FBXL5: variants seen among roughly 807,000 people sequenced by gnomAD.
FBXL5 encodes F-box and leucine rich repeat protein 5, also known as F-box/LRR-repeat protein 5.
FBXL5 carries 26 observed loss-of-function variants against 78.3 expected under a neutral mutation model. The ratio of observed to expected loss-of-function variants is 0.33; its 90% CI spans 0.24 to 0.46. The LOEUF (loss-of-function observed/expected upper bound fraction) is 0.46, where lower values mean the gene tolerates loss of function less well. Among genes scored for constraint, FBXL5 ranks in the 20% least tolerant of loss-of-function variants. The probability of loss-of-function intolerance (pLI) is 1.00; values close to 1 mark genes in which losing one functional copy is unlikely to be tolerated. For synonymous variants in FBXL5, 295 were observed against 282.5 expected, an observed-to-expected ratio of 1.04 and a Z score of -0.45; for missense variants, 710 against 829.2, an observed-to-expected ratio of 0.86 and a Z score of 1.77.
chr4:15,644,251 T>C (rs1715159658), intron 2 of FBXL5, among the ~76,000 whole-genome samples: 1 of 152,224 alleles, frequency 6.6e-6, no homozygotes, highest in Non-Finnish European at 1.5e-5. Context: ...ACTTTGCCCC[T>C]TGGATATAAA....
chr4:15,628,790 C>T (rs1039492502), intron 6 of FBXL5, among the ~76,000 whole-genome samples: 1 of 78,034 alleles, frequency 1.3e-5, no homozygotes, highest in African/African-American at 4.2e-5. Context: ...CACACACACG[C>T]ACACACACAC....
chr4:15,623,212 C>A (rs755172240), intron 9 of FBXL5, among the ~76,000 whole-genome samples: 1 of 151,924 alleles, frequency 6.6e-6, no homozygotes, highest in Non-Finnish European at 1.5e-5. Flanking sequence ...AAACCTTATA[C>A]TAGAAGAGTT....
At chr4:15,620,398 A>G (rs960150355) in intron 9 of FBXL5, among the ~76,000 whole-genome samples, 11 of 151,898 alleles carry the variant, frequency 7.2e-5, no homozygotes, top group Non-Finnish European at 1.6e-4. Flanking sequence ...CAAAATCTCA[A>G]TGGCATTCTT....
intron 4 of FBXL5, among the ~76,000 whole-genome samples, chr4:15,637,261 A>AGAT: frequency 6.6e-6 from 1 of 152,372 alleles, no homozygotes; most frequent in East Asian, 1.9e-4. Flanking sequence ...GACAAAATGT[A>AGAT]GATATTTCTG....
chr4:15,638,479 A>C, intron 4 of FBXL5, 29 bp downstream of exon 4: 1 of 1,512,954 alleles, frequency 6.6e-7, no homozygotes, highest in South Asian at 1.3e-5. Flanking sequence ...TACAACTAAT[A>C]AATTGTTCTT....
Position 15,604,952 on chromosome 4 carries a change from A to G in FBXL5, c.*771T>C, listed in dbSNP as rs1307164954. 6.6e-6 allele frequency: 1 copy of G among 152,262 alleles called. No individual in the cohort carries two copies. The highest frequency in any genetic ancestry group is 1.9e-4 in the East Asian group (1 of 5,200). 9.4% of individuals were successfully genotyped at this position (152,262 alleles called of 1,614,324 possible). ...AAGACAAAGTATGTAGTCCTATTCT[A>G]TACTAAAGTAAACCTGGATTGAGAT... is the stretch of plus-strand genomic sequence containing the variant. On this transcript the variant is annotated 3_prime_UTR_variant, in exon 11 of 11. Transcript: ENST00000341285.
Position 15,655,189 on chromosome 4 carries a change from T to G in FBXL5, c.84+15A>C. ...GCCCGCACCGCCCACAGCGGGAGGCTCAGCGCTCCGTTACCTTGTCGCAGT... is the reference window on the plus strand; with the variant it reads ...GCCCGCACCGCCCACAGCGGGAGGCGCAGCGCTCCGTTACCTTGTCGCAGT... On this transcript the variant is annotated intron_variant, in intron 1 of 10. Transcript: ENST00000341285. The G allele has an allele frequency of 7.2e-7, 1 of 1,386,054 alleles. No homozygotes were observed. The highest frequency in any genetic ancestry group is 9.5e-7 in the Non-Finnish European group (1 of 1,049,260). 85.9% of individuals were successfully genotyped at this position (1,386,054 alleles called of 1,614,324 possible).
At position 15,604,388 on chromosome 4, in the gene FBXL5, A is replaced by G. The variant is rs1721750496; in HGVS notation, c.*1335T>C. ...ATCAGAACATACATAATATTTATCAATTAAGTTCTCTGTCTTATTAGGGCA... is the reference window on the plus strand; with the variant it reads ...ATCAGAACATACATAATATTTATCAGTTAAGTTCTCTGTCTTATTAGGGCA... On this transcript the variant is annotated 3_prime_UTR_variant, in exon 11 of 11. Coordinates refer to ENST00000341285, the MANE Select transcript of FBXL5 (RefSeq NM_012161.4). Among the ~76,000 whole-genome samples, 1 of 152,242 alleles carries G rather than the reference A, an allele frequency of 6.6e-6. No individual in the cohort carries two copies. The highest frequency in any genetic ancestry group is 2.1e-4 in the South Asian group (1 of 4,834).
At chr4:15,611,292 C>T (rs1022491874) in intron 10 of FBXL5, among the ~76,000 whole-genome samples, 1 of 151,648 alleles carries the variant, frequency 6.6e-6, no homozygotes, top group African/African-American at 2.4e-5. Context: ...TAGCAGTTTT[C>T]TCCATTTTGC....
chr4:15,609,145 G>A (rs923230251), intron 10 of FBXL5, among the ~76,000 whole-genome samples: 1 of 152,064 alleles, frequency 6.6e-6, no homozygotes, highest in African/African-American at 2.4e-5. Flanking sequence ...AATTCACAAG[G>A]TAGTTCCCTT....
At chr4:15,630,637 G>T in intron 6 of FBXL5, 29 bp downstream of exon 6, 1 of 1,521,630 alleles carries the variant, frequency 6.6e-7, no homozygotes, top group Non-Finnish European at 8.8e-7. Flanking sequence ...AAAACACTAT[G>T]TAATAATTTT....
At chr4:15,674,356 A>AACACTGTACTGGGTATGT (rs1396050392) in intron 1 of FBXL5, among the ~76,000 whole-genome samples, 1 of 152,208 alleles carries the variant, frequency 6.6e-6, no homozygotes, top group Admixed American at 6.5e-5. Context: ...AAACAGAGTT[A>AACACTGTACTGGGTATGT]ACACTGTACT....
At chr4:15,664,386 G>T (rs1717442596), upstream of FBXL5, among the ~76,000 whole-genome samples, 1 of 151,966 alleles carries the variant, frequency 6.6e-6, no homozygotes, top group Non-Finnish European at 1.5e-5. Flanking sequence ...CTCTCCCTCA[G>T]TTAAATCATA....
intron 1 of FBXL5, among the ~76,000 whole-genome samples, chr4:15,678,725 T>A (rs1381644170): frequency 6.6e-6 from 1 of 152,232 alleles, no homozygotes; most frequent in Non-Finnish European, 1.5e-5. Flanking sequence ...CAAATCAGCT[T>A]TTAATTATAA....
intron 3 of FBXL5, among the ~76,000 whole-genome samples, chr4:15,639,395 G>C (rs12651550): frequency 0.63 from 96,174 of 152,040 alleles, 30,537 homozygotes; most frequent in Non-Finnish European, 0.65. Flanking sequence ...ACCCAGTGTA[G>C]TGGAACCATA....
intron 1 of FBXL5, among the ~76,000 whole-genome samples, chr4:15,654,735 G>C (rs1716624991): frequency 6.6e-6 from 1 of 152,234 alleles, no homozygotes. Flanking sequence ...ATGGGTGGGT[G>C]TCTGCACGGA....
In FBXL5 at chr4:15,665,759, C is replaced by A. The variant is rs76632768; in HGVS notation, c.-283-5837G>T. Among the ~76,000 whole-genome samples, 1,047 of 152,194 alleles carry A rather than the reference C, an allele frequency of 6.9e-3. 20 individuals carry two copies. Among genetic ancestry groups the A allele is most frequent in the African/African-American group, 0.024 (996 of 41,530 alleles). On this transcript the variant is annotated intron_variant, in intron 1 of 4. Transcript: ENST00000507899. ...AGGATGAGAATATCTGGCCCCCAGT[C>A]CAAAATTCTTAAATTTAAGGGAAAA...
chr4:15,625,338 C>T lies in FBXL5; in HGVS notation c.1764G>A (p.Gly588=). ...LPRGKDLIYF[G]SEKSDQETGR... ...CAGTCTCTTGATCAGATTTTTCACT[C>T]CCAAAGTAAATTAAGTCTTTTCCCC... is the stretch of plus-strand genomic sequence containing the variant. The change falls in exon 9 of 11, where the codon GGG becomes GGA. Residue 588 remains glycine (G), a synonymous_variant. Coordinates refer to ENST00000341285, the MANE Select transcript of FBXL5 (RefSeq NM_012161.4). 6.2e-7 allele frequency: 1 copy of T among 1,614,188 alleles called. No homozygotes were observed. Among genetic ancestry groups the T allele is most frequent in the Non-Finnish European group, 8.5e-7 (1 of 1,180,034 alleles).
In FBXL5 at chr4:15,666,401, AAAAAT is replaced by A. The variant is rs769370200; in HGVS notation, c.-283-6484_-283-6480del. On this transcript the variant is annotated intron_variant, in intron 1 of 4. Coordinates refer to the FBXL5 transcript ENST00000507899. ...GGAGACAGAGCAAGACCCTGCCTAA[AAAAAT>A]AAAATAAAGACACATACCACATGAT... 1.9e-4 allele frequency among the ~76,000 whole-genome samples: 29 copies of A among 152,286 alleles called. No homozygotes were observed. In the South Asian group the frequency reaches 3.1e-3, roughly 16 times the overall value.
Sources: allele counts gnomAD v4.1 joint callset (sites outside exome capture counted in the v4.1 genomes callset), GRCh38; gene constraint gnomAD v4.1.1; transcripts MANE v1.5; gene names NCBI Gene and HGNC (gene_info 2026-07-23, HGNC 2026-07-21).